The following ZDHHC6 variants were observed in gnomAD, a reference collection of about 807,000 sequenced individuals.
ZDHHC6 encodes the protein zDHHC palmitoyltransferase 6, also known as palmitoyltransferase ZDHHC6.
A neutral mutation model predicts 57.8 loss-of-function variants in ZDHHC6; 32 were observed. The ratio of observed to expected loss-of-function variants is 0.55; its 90% CI spans 0.42 to 0.74. The LOEUF (loss-of-function observed/expected upper bound fraction) is 0.74, where lower values mean the gene tolerates loss of function less well. ZDHHC6 is among the 30% of genes least tolerant of loss of function. ZDHHC6 has a pLI of 0.00. For synonymous variants in ZDHHC6, 128 were observed against 158.0 expected, an observed-to-expected ratio of 0.81 and a Z score of 1.42; for missense variants, 433 against 500.7, an observed-to-expected ratio of 0.86 and a Z score of 1.29.
At chr10:112,424,948 C>T (rs1844612386) in exon 12 of ZDHHC6, 1 of 155,386 alleles carries the variant, frequency 6.4e-6, no homozygotes, top group Non-Finnish European at 1.4e-5. Flanking sequence ...GAGAACTATT[C>T]AAATCAAATC....
chr10:112,447,412 G>A (rs1365050009), upstream of ZDHHC6: 8 of 1,613,646 alleles, frequency 5.0e-6, no homozygotes, highest in Non-Finnish European at 6.8e-6. Flanking sequence ...AGGACTTCGC[G>A]GTGCTCACTG....
At chr10:112,426,197 C>A (rs1844696777), downstream of ZDHHC6, 4 of 1,326,888 alleles carry the variant, frequency 3.0e-6, no homozygotes, top group Non-Finnish European at 4.3e-6. Context: ...TATTTAACTA[C>A]TGGGGGACAT....
intron 4 of ZDHHC6, among the ~76,000 whole-genome samples, chr10:112,441,982 T>G (rs1377590116): frequency 6.6e-6 from 1 of 152,240 alleles, no homozygotes; most frequent in African/African-American, 2.4e-5. Flanking sequence ...CTACAGCATG[T>G]AAGTTTTCAG....
intron 1 of ZDHHC6, among the ~76,000 whole-genome samples, chr10:112,446,316 G>A (rs1268761726): frequency 1.3e-5 from 2 of 152,118 alleles, no homozygotes; most frequent in African/African-American, 4.8e-5. Flanking sequence ...GTGAAATTAT[G>A]ACCAGAAGAG....
upstream of ZDHHC6, chr10:112,447,563 A>G: frequency 7.2e-7 from 1 of 1,385,520 alleles, no homozygotes; most frequent in Non-Finnish European, 1.0e-6. Flanking sequence ...ATGAGGCGCG[A>G]GGCTGGAGTG....
At chr10:112,444,875 T>C (rs1028121523) in intron 2 of ZDHHC6, among the ~76,000 whole-genome samples, 3 of 152,222 alleles carry the variant, frequency 2.0e-5, no homozygotes, top group Non-Finnish European at 4.4e-5. Context: ...TGACATGTGA[T>C]GTTTCCTAAA....
chr10:112,447,532 G>A (rs1011130201), upstream of ZDHHC6: 6 of 1,542,376 alleles, frequency 3.9e-6, no homozygotes, highest in African/African-American at 2.7e-5. Context: ...GCGGTGGAAC[G>A]CCGCCCGAGT....
chr10:112,427,189 G>A, downstream of ZDHHC6: 1 of 1,597,156 alleles, frequency 6.3e-7, no homozygotes, highest in Non-Finnish European at 8.5e-7. Context: ...TCACTAATGA[G>A]CATGGATGTG....
chr10:112,441,992 GAACA>G lies in ZDHHC6; in HGVS notation c.519+196_519+199del, dbSNP rs539693278. On this transcript the variant is annotated intron_variant, in intron 4 of 10. Transcript: ENST00000369405. ...TTCAACTACAGCATGTAAGTTTTCAGAACAAATACTCTTTCCTCATCTTAAAATT... is the reference window on the plus strand; with the variant it reads ...TTCAACTACAGCATGTAAGTTTTCAGAATACTCTTTCCTCATCTTAAAATT... Among the ~76,000 whole-genome samples, 76 of 152,256 alleles carry G rather than the reference GAACA, an allele frequency of 5.0e-4. 1 individual carries two copies. Among genetic ancestry groups the G allele is most frequent in the African/African-American group, 1.7e-3 (72 of 41,536 alleles).
downstream of ZDHHC6, chr10:112,426,560 G>T (rs745839225): frequency 2.1e-5 from 13 of 619,810 alleles, no homozygotes; most frequent in Non-Finnish European, 3.4e-5. Context: ...TGTGGGAAAA[G>T]ATTGGGAAAG....
At chr10:112,428,553 TGAG>T (rs1389597015), downstream of ZDHHC6, 1 of 391,724 alleles carries the variant, frequency 2.6e-6, no homozygotes, top group African/African-American at 2.1e-5. Context: ...GGACGGATCA[TGAG>T]GTCAGGAGAC....
chr10:112,433,780 A>G (rs941314698), intron 7 of ZDHHC6, among the ~76,000 whole-genome samples: 1 of 152,258 alleles, frequency 6.6e-6, no homozygotes, highest in African/African-American at 2.4e-5. Flanking sequence ...TCTCTGTCCT[A>G]GAATCTTATG....
intron 4 of ZDHHC6, among the ~76,000 whole-genome samples, chr10:112,441,955 A>T (rs1419324185): frequency 6.6e-6 from 1 of 152,222 alleles, no homozygotes; most frequent in Non-Finnish European, 1.5e-5. Context: ...CAGTACTAAA[A>T]TATTTATCAC....
chr10:112,438,254 A>G, intron 6 of ZDHHC6, 82 bp downstream of exon 6: 1 of 997,918 alleles, frequency 1.0e-6, no homozygotes. Flanking sequence ...GTCTAATAAC[A>G]GACTTTATTA....
downstream of ZDHHC6, chr10:112,426,141 T>C: frequency 1.3e-6 from 1 of 770,594 alleles, no homozygotes; most frequent in Non-Finnish European, 2.2e-6. Flanking sequence ...TAGTACTGGA[T>C]TTAAGGTTTT....
chr10:112,442,909 G>A (rs1284872669), intron 3 of ZDHHC6, among the ~76,000 whole-genome samples: 14 of 129,536 alleles, frequency 1.1e-4, no homozygotes, highest in African/African-American at 3.0e-4. Flanking sequence ...GTTGATAGAA[G>A]ACAATGTTTT....
chr10:112,431,309 A>G (rs760503866), intron 10 of ZDHHC6, among the ~76,000 whole-genome samples: 16 of 151,292 alleles, frequency 1.1e-4, no homozygotes, highest in African/African-American at 3.4e-4. Context: ...TCTAACATAT[A>G]TATTTCTTTC....
At chr10:112,433,470 TGA>T (rs1049750900) in intron 7 of ZDHHC6, 189 bp from the exon 8 acceptor site, 12 of 460,526 alleles carry the variant, frequency 2.6e-5, no homozygotes, top group Non-Finnish European at 3.8e-5. Flanking sequence ...AACCAGAGGC[TGA>T]GAGTGAGGTT....
chr10:112,435,651 T>A (rs542946271), intron 6 of ZDHHC6, among the ~76,000 whole-genome samples: 1 of 152,260 alleles, frequency 6.6e-6, no homozygotes, highest in African/African-American at 2.4e-5. Flanking sequence ...TAAGCTATAA[T>A]GCATATGAAT....
Sources: gnomAD v4.1 joint callset for allele counts (sites outside exome capture counted in the v4.1 genomes callset) on GRCh38, gnomAD v4.1.1 for gene constraint, MANE v1.5 for transcripts, NCBI Gene and HGNC (gene_info 2026-07-23, HGNC 2026-07-21) for gene names.